Variants in CBFA2T2 observed in about 807,000 individuals in gnomAD.
The protein encoded by CBFA2T2 is CBFA2/RUNX1 partner transcriptional co-repressor 2.
CBFA2T2 carries 11 observed loss-of-function variants against 62.2 expected under a neutral mutation model. The ratio of observed to expected loss-of-function variants is 0.18; its 90% CI spans 0.11 to 0.29. CBFA2T2 has a LOEUF of 0.29. CBFA2T2 is among the 10% of genes least tolerant of loss of function. CBFA2T2 has a pLI of 1.00. For missense variants in CBFA2T2, 592 were observed against 774.1 expected (o/e 0.76, Z 2.79); for synonymous variants, 295 against 287.5 (o/e 1.03, Z -0.27).
chr20:33,515,216 T>C (rs1213013498), intron 1 of CBFA2T2, among the ~76,000 whole-genome samples: 1 of 151,512 alleles, frequency 6.6e-6, no homozygotes, highest in Non-Finnish European at 1.5e-5. Context: ...CTGGGTGTGG[T>C]GGCAGGCGCC....
chr20:33,586,700 G>A (rs553922967), intron 1 of CBFA2T2, among the ~76,000 whole-genome samples: 2 of 152,248 alleles, frequency 1.3e-5, no homozygotes, highest in East Asian at 1.9e-4. Context: ...CCAAGGTGAC[G>A]TGTTTGGAAA....
chr20:33,497,133 CA>C (rs2011208098), intron 1 of CBFA2T2, among the ~76,000 whole-genome samples: 1 of 151,960 alleles, frequency 6.6e-6, no homozygotes, highest in African/African-American at 2.4e-5. Flanking sequence ...ATTAGCTGGG[CA>C]TGGTGGTGCA....
At chr20:33,545,872 T>C (rs1430337120) in intron 1 of CBFA2T2, among the ~76,000 whole-genome samples, 1 of 152,224 alleles carries the variant, frequency 6.6e-6, no homozygotes, top group African/African-American at 2.4e-5. Flanking sequence ...TTGAAGCAAA[T>C]GTAAATAGTA....
chr20:33,508,216 T>C (rs2011437075), intron 1 of CBFA2T2, among the ~76,000 whole-genome samples: 1 of 152,092 alleles, frequency 6.6e-6, no homozygotes, highest in African/African-American at 2.4e-5. Flanking sequence ...TGCCTCAGCC[T>C]CCCAAGTAGC....
intron 1 of CBFA2T2, among the ~76,000 whole-genome samples, chr20:33,550,788 A>C (rs760495169): frequency 5.9e-5 from 9 of 151,804 alleles, no homozygotes; most frequent in Admixed American, 1.3e-4. Context: ...CACCTGGCTA[A>C]TTTTTGTATT....
chr20:33,621,556 C>T (rs2122329134), intron 4 of CBFA2T2, among the ~76,000 whole-genome samples: 1 of 152,182 alleles, frequency 6.6e-6, no homozygotes, highest in East Asian at 1.9e-4. Context: ...CCTCCTTGGC[C>T]TCCCAAAGTG....
chr20:33,610,572 A>AT (rs776131222), intron 2 of CBFA2T2, among the ~76,000 whole-genome samples: 1 of 152,192 alleles, frequency 6.6e-6, no homozygotes, highest in Non-Finnish European at 1.5e-5. Context: ...GGCCAAAGAG[A>AT]TAGGTACCTT....
At chr20:33,562,834 TTA>T (rs1006553474) in intron 1 of CBFA2T2, among the ~76,000 whole-genome samples, 3 of 152,244 alleles carry the variant, frequency 2.0e-5, no homozygotes, top group Non-Finnish European at 4.4e-5. Context: ...TTCATTTTAT[TTA>T]TGTTTCTATT....
intron 1 of CBFA2T2, among the ~76,000 whole-genome samples, chr20:33,504,620 C>G (rs1471601194): frequency 6.6e-6 from 1 of 151,852 alleles, no homozygotes; most frequent in East Asian, 1.9e-4. Flanking sequence ...GCCAGACTGT[C>G]TCGAAATCCT....
rs561574986 is a variant in CBFA2T2, at chr20:33,574,579, T to A, written c.35-32377T>A. On this transcript the variant is annotated intron_variant, in intron 1 of 10. Transcript: ENST00000342704. ...GGCAGAGGTTGCAGTGAGCCGAGATTGTGCCATTGCACTCCAGCCTGGGAA... is the reference window on the plus strand; with the variant it reads ...GGCAGAGGTTGCAGTGAGCCGAGATAGTGCCATTGCACTCCAGCCTGGGAA... 1.8e-3 allele frequency among the ~76,000 whole-genome samples: 271 copies of A among 152,302 alleles called. 1 individual carries two copies. The highest frequency in any genetic ancestry group is 3.4e-3 in the Middle Eastern group (1 of 294).
chr20:33,608,825 C>T (rs1404666806), intron 2 of CBFA2T2, among the ~76,000 whole-genome samples: 1 of 152,158 alleles, frequency 6.6e-6, no homozygotes. Flanking sequence ...AAGCTAAAAG[C>T]ATGGTAATGT....
intron 8 of CBFA2T2, among the ~76,000 whole-genome samples, chr20:33,631,706 C>T (rs2016458506): frequency 6.6e-6 from 1 of 152,196 alleles, no homozygotes; most frequent in Admixed American, 6.5e-5. Flanking sequence ...TACCTGTGTC[C>T]TGTTAATAGT....
chr20:33,607,123 T>C lies in CBFA2T2; in HGVS notation c.178+24T>C, dbSNP rs112698712. 31 of 1,605,096 alleles carry C rather than the reference T, an allele frequency of 1.9e-5. 1 individual carries two copies. In the African/African-American group the frequency reaches 3.5e-4, roughly 18 times the overall value. ...ATGTGAGACCTCTTAGTTACTTATGTTTGTAGTTCAGAGTGACATTTGGAT... is the reference window on the plus strand; with the variant it reads ...ATGTGAGACCTCTTAGTTACTTATGCTTGTAGTTCAGAGTGACATTTGGAT... On this transcript the variant is annotated intron_variant, in intron 2 of 10. Coordinates refer to ENST00000342704, the MANE Select transcript of CBFA2T2 (RefSeq NM_001032999.3).
intron 1 of CBFA2T2, among the ~76,000 whole-genome samples, chr20:33,564,439 G>T (rs1332880564): frequency 1.3e-5 from 2 of 151,814 alleles, no homozygotes. Context: ...TGTATTTTTA[G>T]TAGAGACGGG....
chr20:33,537,402 A>C (rs1400714055), intron 1 of CBFA2T2, among the ~76,000 whole-genome samples: 1 of 152,214 alleles, frequency 6.6e-6, no homozygotes, highest in African/African-American at 2.4e-5. Context: ...CAGTAGAATC[A>C]GGCAGGGAGG....
intron 3 of CBFA2T2, among the ~76,000 whole-genome samples, chr20:33,611,942 C>G (rs1386766163): frequency 6.6e-6 from 1 of 152,172 alleles, no homozygotes; most frequent in Admixed American, 6.5e-5. Context: ...GGTGTCCAAC[C>G]AAGTTAATGC....
At chr20:33,514,208 T>G (rs1410677093) in intron 1 of CBFA2T2, among the ~76,000 whole-genome samples, 3 of 114,234 alleles carry the variant, frequency 2.6e-5, no homozygotes, top group Non-Finnish European at 1.8e-5. Flanking sequence ...CTGCCTTTGT[T>G]TTTTTTTTTT....
chr20:33,493,035 G>A (rs1375088579), intron 1 of CBFA2T2, among the ~76,000 whole-genome samples: 1 of 149,540 alleles, frequency 6.7e-6, no homozygotes, highest in Admixed American at 6.7e-5. Flanking sequence ...TTACAAGTGT[G>A]AGCCTCTGCA....
chr20:33,576,854 TAA>T (rs1194969346), intron 1 of CBFA2T2, among the ~76,000 whole-genome samples: 1 of 152,268 alleles, frequency 6.6e-6, no homozygotes, highest in Non-Finnish European at 1.5e-5. Flanking sequence ...TCCAAGTGTA[TAA>T]GTGTGCTCCA....
Sources: allele counts gnomAD v4.1 joint callset (sites outside exome capture counted in the v4.1 genomes callset), GRCh38; gene constraint gnomAD v4.1.1; transcripts MANE v1.5; gene names NCBI Gene and HGNC (gene_info 2026-07-23, HGNC 2026-07-21).